The following HS3ST4 variants were observed in gnomAD, a reference collection of about 807,000 sequenced individuals.
HS3ST4 encodes the protein heparan sulfate-glucosamine 3-sulfotransferase 4.
In HS3ST4, 17 loss-of-function variants were observed where a neutral mutation model predicts 29.2. The ratio of observed to expected loss-of-function variants is 0.58; its 90% CI spans 0.40 to 0.87. The LOEUF (loss-of-function observed/expected upper bound fraction) is 0.87, where lower values mean the gene tolerates loss of function less well. HS3ST4 is among the 40% of genes least tolerant of loss of function. The pLI is 0.00. For synonymous variants in HS3ST4, 314 were observed against 285.7 expected (o/e 1.10, Z -1.00); for missense variants, 627 against 634.5 (o/e 0.99, Z 0.13).
chr16:26,006,769 T>G (rs1435124309), intron 1 of HS3ST4, among the ~76,000 whole-genome samples: 1 of 152,194 alleles, frequency 6.6e-6, no homozygotes, highest in Non-Finnish European at 1.5e-5. Context: ...TCTTGTAAGC[T>G]CCAGAATAAT....
At chr16:26,099,143 TCTGGTATATGTCAGAG>T (rs1453877176) in intron 1 of HS3ST4, among the ~76,000 whole-genome samples, 1 of 152,128 alleles carries the variant, frequency 6.6e-6, no homozygotes, top group African/African-American at 2.4e-5. Context: ...AAGTCAAACA[TCTGGTATATGTCAGAG>T]CTAATTTTTT....
chr16:25,791,741 G>A (rs975335956), intron 1 of HS3ST4, among the ~76,000 whole-genome samples: 11 of 151,968 alleles, frequency 7.2e-5, no homozygotes, highest in African/African-American at 2.7e-4. Context: ...TTGGATATTG[G>A]CCAGATTCAC....
chr16:25,921,658 C>T (rs1489076688), intron 1 of HS3ST4, among the ~76,000 whole-genome samples: 2 of 152,132 alleles, frequency 1.3e-5, no homozygotes, highest in African/African-American at 2.4e-5. Context: ...TTTGGTGCCA[C>T]TTCTAGTTCT....
chr16:25,845,051 G>T (rs939967350), intron 1 of HS3ST4, among the ~76,000 whole-genome samples: 4 of 152,016 alleles, frequency 2.6e-5, no homozygotes, highest in African/African-American at 9.7e-5. Flanking sequence ...CTGTTGGGGG[G>T]TGGGGTTGGG....
At chr16:25,719,478 T>C (rs1966478734) in intron 1 of HS3ST4, among the ~76,000 whole-genome samples, 1 of 152,226 alleles carries the variant, frequency 6.6e-6, no homozygotes, top group Admixed American at 6.5e-5. Flanking sequence ...CTTAGGACAT[T>C]TAGATTTCAC....
At chr16:25,983,680 A>ATG (rs1969032097) in intron 1 of HS3ST4, among the ~76,000 whole-genome samples, 2 of 152,162 alleles carry the variant, frequency 1.3e-5, no homozygotes, top group African/African-American at 4.8e-5. Flanking sequence ...GTAGATTCTA[A>ATG]GCCATACATA....
intron 1 of HS3ST4, among the ~76,000 whole-genome samples, chr16:26,004,132 C>T (rs1015090996): frequency 6.6e-6 from 1 of 152,110 alleles, no homozygotes; most frequent in African/African-American, 2.4e-5. Flanking sequence ...TTCATGCCAC[C>T]TTGTAGTCCT....
intron 1 of HS3ST4, among the ~76,000 whole-genome samples, chr16:25,897,672 C>G (rs1968081651): frequency 6.6e-6 from 1 of 151,970 alleles, no homozygotes; most frequent in Non-Finnish European, 1.5e-5. Flanking sequence ...GCAGTAGAAC[C>G]CACCCACAGC....
At chr16:26,092,115 T>C (rs1898864891) in intron 1 of HS3ST4, among the ~76,000 whole-genome samples, 1 of 152,090 alleles carries the variant, frequency 6.6e-6, no homozygotes, top group Non-Finnish European at 1.5e-5. Flanking sequence ...GGGGACAGAA[T>C]GGGGTGCTCA....
At chr16:26,041,250 G>A (rs558375794) in intron 1 of HS3ST4, among the ~76,000 whole-genome samples, 6 of 152,238 alleles carry the variant, frequency 3.9e-5, no homozygotes, top group African/African-American at 1.2e-4. Flanking sequence ...GCTGAGGTGG[G>A]AGGATCGATT....
chr16:25,747,782 A>C (rs1177242017), intron 1 of HS3ST4, among the ~76,000 whole-genome samples: 3 of 152,146 alleles, frequency 2.0e-5, no homozygotes, highest in Non-Finnish European at 2.9e-5. Flanking sequence ...AGCATTGCAG[A>C]CAATTCGTAG....
intron 1 of HS3ST4, among the ~76,000 whole-genome samples, chr16:25,777,341 A>G (rs543332652): frequency 2.0e-5 from 3 of 152,226 alleles, no homozygotes; most frequent in East Asian, 3.9e-4. Context: ...TATTCAGCAA[A>G]CATTTGTTGT....
rs78861008 is a variant in HS3ST4, at chr16:26,019,397, C to G, written c.735-116215C>G. Among the ~76,000 whole-genome samples the G allele has an allele frequency of 1.9e-4, 29 of 152,304 alleles. No homozygotes were observed. In the East Asian group the frequency reaches 5.2e-3, roughly 27 times the overall value. ...TTAAGCATACAATATTCTTATTAATCCAAGTGCCTTTTTTACATCCGTAAT... is the reference window on the plus strand; with the variant it reads ...TTAAGCATACAATATTCTTATTAATGCAAGTGCCTTTTTTACATCCGTAAT... On this transcript the variant is annotated intron_variant, in intron 1 of 1. Transcript: ENST00000331351.
At chr16:25,899,244 A>C (rs1567267834) in intron 1 of HS3ST4, among the ~76,000 whole-genome samples, 1 of 152,064 alleles carries the variant, frequency 6.6e-6, no homozygotes, top group African/African-American at 2.4e-5. Context: ...CAGTCAGTCA[A>C]CCTCTCCTCT....
intron 1 of HS3ST4, among the ~76,000 whole-genome samples, chr16:26,091,686 C>A (rs1898859082): frequency 6.6e-6 from 1 of 152,168 alleles, no homozygotes; most frequent in Non-Finnish European, 1.5e-5. Context: ...ATGGAACATT[C>A]AAGTCACCAT....
intron 1 of HS3ST4, among the ~76,000 whole-genome samples, chr16:25,701,967 ATCTATT>A (rs1966337424): frequency 6.6e-6 from 1 of 152,248 alleles, no homozygotes; most frequent in African/African-American, 2.4e-5. Context: ...AAAAAGAAAT[ATCTATT>A]TCTGATTTTC....
intron 1 of HS3ST4, among the ~76,000 whole-genome samples, chr16:25,952,613 A>C (rs974823827): frequency 3.9e-5 from 6 of 152,214 alleles, no homozygotes; most frequent in Non-Finnish European, 8.8e-5. Context: ...CACTCAGCAC[A>C]GGGCCTGGCA....
At chr16:26,130,822 C>G (rs915334634) in intron 1 of HS3ST4, among the ~76,000 whole-genome samples, 1 of 152,194 alleles carries the variant, frequency 6.6e-6, no homozygotes, top group Non-Finnish European at 1.5e-5. Flanking sequence ...GGAACTTGAA[C>G]ACAGGACATA....
At chr16:25,872,489 G>A (rs1489798835) in intron 1 of HS3ST4, among the ~76,000 whole-genome samples, 3 of 152,230 alleles carry the variant, frequency 2.0e-5, no homozygotes, top group Non-Finnish European at 4.4e-5. Flanking sequence ...AGGGGCTTCT[G>A]TTCTAGGATG....
Sources: gnomAD v4.1 joint callset for allele counts (sites outside exome capture counted in the v4.1 genomes callset) on GRCh38, gnomAD v4.1.1 for gene constraint, MANE v1.5 for transcripts, NCBI Gene and HGNC (gene_info 2026-07-23, HGNC 2026-07-21) for gene names.